The following PCDH9 variants were observed in gnomAD, a reference collection of about 807,000 sequenced individuals.
PCDH9 encodes protocadherin-9.
Under a neutral mutation model 70.6 loss-of-function variants are expected in PCDH9, and 24 were observed. The observed-to-expected ratio is 0.34, with a 90% CI of 0.25 to 0.48. PCDH9 has a LOEUF of 0.48. Ranked by LOEUF, PCDH9 falls within the 20% of genes least tolerant of loss-of-function variation. The pLI is 0.99. For synonymous variants in PCDH9, 562 were observed against 558.5 expected (o/e 1.01, Z -0.09); for missense variants, 1,281 against 1,503.6 (o/e 0.85, Z 2.45).
At chr13:66,762,356 TG>T (rs1438956432) in intron 3 of PCDH9, among the ~76,000 whole-genome samples, 4 of 152,036 alleles carry the variant, frequency 2.6e-5, no homozygotes, top group Admixed American at 1.3e-4. Flanking sequence ...GCTAAATTAA[TG>T]GACACCAGCC....
chr13:66,746,700 T>A (rs1042501961), intron 3 of PCDH9, among the ~76,000 whole-genome samples: 1 of 152,174 alleles, frequency 6.6e-6, no homozygotes, highest in African/African-American at 2.4e-5. Flanking sequence ...ACACTTTTGA[T>A]AGGAAATTTG....
intron 3 of PCDH9, among the ~76,000 whole-genome samples, chr13:66,750,484 T>C (rs1451301296): frequency 6.6e-6 from 1 of 152,056 alleles, no homozygotes; most frequent in Non-Finnish European, 1.5e-5. Flanking sequence ...GTGAAACTTC[T>C]GCTTGTCTCT....
At chr13:67,181,988 G>C (rs915286772) in intron 2 of PCDH9, among the ~76,000 whole-genome samples, 1 of 152,126 alleles carries the variant, frequency 6.6e-6, no homozygotes, top group Non-Finnish European at 1.5e-5. Flanking sequence ...AGTCCTTTGT[G>C]TCCTGTGGTG....
At chr13:66,858,221 A>T (rs1383688401) in intron 3 of PCDH9, among the ~76,000 whole-genome samples, 1 of 152,184 alleles carries the variant, frequency 6.6e-6, no homozygotes, top group African/African-American at 2.4e-5. Flanking sequence ...ATGCCATTAA[A>T]TAACAAGCTC....
At chr13:66,934,079 T>C (rs1019256001) in intron 2 of PCDH9, among the ~76,000 whole-genome samples, 1 of 152,276 alleles carries the variant, frequency 6.6e-6, no homozygotes, top group Non-Finnish European at 1.5e-5. Flanking sequence ...GCCTGCCTAC[T>C]GCCTGCCTTG....
At chr13:66,789,746 CT>C (rs2080134885) in intron 3 of PCDH9, among the ~76,000 whole-genome samples, 1 of 152,042 alleles carries the variant, frequency 6.6e-6, no homozygotes, top group Non-Finnish European at 1.5e-5. Flanking sequence ...TCACTTGTTT[CT>C]TTTGTACAAT....
intron 3 of PCDH9, among the ~76,000 whole-genome samples, chr13:66,682,342 G>A (rs1212515290): frequency 1.4e-5 from 2 of 147,180 alleles, no homozygotes; most frequent in Non-Finnish European, 1.5e-5. Context: ...TATGCCTGTA[G>A]CTGTATTTAT....
chr13:66,477,589 T>C (rs1001586478), intron 4 of PCDH9, among the ~76,000 whole-genome samples: 2 of 152,210 alleles, frequency 1.3e-5, no homozygotes, highest in East Asian at 1.9e-4. Flanking sequence ...GGCTTTGTTT[T>C]CTTGTTAAAA....
At chr13:66,581,793 T>A (rs1422089063) in intron 4 of PCDH9, among the ~76,000 whole-genome samples, 1 of 152,114 alleles carries the variant, frequency 6.6e-6, no homozygotes, top group African/African-American at 2.4e-5. Context: ...TCTTTGTGGT[T>A]CAATTGCCTA....
intron 3 of PCDH9, among the ~76,000 whole-genome samples, chr13:66,799,338 C>T (rs2080292650): frequency 6.6e-6 from 1 of 152,168 alleles, no homozygotes; most frequent in Admixed American, 6.5e-5. Flanking sequence ...GAGCCTGTCA[C>T]ACACATCATG....
chr13:66,803,594 T>C (rs2080361661), intron 3 of PCDH9, among the ~76,000 whole-genome samples: 1 of 152,172 alleles, frequency 6.6e-6, no homozygotes, highest in Non-Finnish European at 1.5e-5. Context: ...CTTTTGGCTG[T>C]CTTCAGTACC....
chr13:66,725,880 C>CA (rs2078999352), intron 3 of PCDH9, among the ~76,000 whole-genome samples: 2 of 152,114 alleles, frequency 1.3e-5, no homozygotes, highest in Admixed American at 6.6e-5. Context: ...GTATCATTTC[C>CA]ATTATTATCA....
chr13:66,919,038 C>G (rs2082600039), intron 2 of PCDH9, among the ~76,000 whole-genome samples: 1 of 151,222 alleles, frequency 6.6e-6, no homozygotes, highest in Non-Finnish European at 1.5e-5. Flanking sequence ...TGTCTCTGTT[C>G]ATTTCACTAT....
chr13:66,481,265 G>T (rs200483742), intron 4 of PCDH9, among the ~76,000 whole-genome samples: 3 of 92,314 alleles, frequency 3.2e-5, no homozygotes, highest in Non-Finnish European at 7.2e-5. Context: ...TAACAAACTT[G>T]CACGTTCTGT....
chr13:66,426,531 C>A (rs190807517), intron 4 of PCDH9, among the ~76,000 whole-genome samples: 1 of 146,472 alleles, frequency 6.8e-6, no homozygotes, highest in Admixed American at 6.7e-5. Flanking sequence ...GGCAAAAATA[C>A]GCTATGTAAT....
intron 3 of PCDH9, among the ~76,000 whole-genome samples, chr13:66,792,301 A>G (rs1735446412): frequency 1.3e-5 from 2 of 152,186 alleles, no homozygotes; most frequent in Non-Finnish European, 2.9e-5. Flanking sequence ...ATTTTATTAA[A>G]CATAGAACAT....
At chr13:67,204,393 G>A (rs1348447295) in intron 2 of PCDH9, 1 of 152,060 alleles carries the variant, frequency 6.6e-6, no homozygotes, top group East Asian at 1.9e-4. Flanking sequence ...CATTTGCCTT[G>A]TCTACTACAT....
chr13:66,945,683 T>C (rs2083076870), intron 2 of PCDH9, among the ~76,000 whole-genome samples: 2 of 152,182 alleles, frequency 1.3e-5, no homozygotes, highest in Admixed American at 6.5e-5. Context: ...ATTTGGACTC[T>C]TGTAAAATAT....
chr13:66,367,841 T>G (rs1020798677), intron 4 of PCDH9, among the ~76,000 whole-genome samples: 3 of 152,096 alleles, frequency 2.0e-5, no homozygotes, highest in Non-Finnish European at 2.9e-5. Context: ...CTTTAAAAAA[T>G]AATTCTAGGA....
Sources: allele counts gnomAD v4.1 joint callset (sites outside exome capture counted in the v4.1 genomes callset), GRCh38; gene constraint gnomAD v4.1.1; transcripts MANE v1.5; gene names NCBI Gene and HGNC (gene_info 2026-07-23, HGNC 2026-07-21).